CACNA1I: variants seen among roughly 807,000 people sequenced by gnomAD.
The protein encoded by CACNA1I is voltage-dependent T-type calcium channel subunit alpha-1I.
CACNA1I carries 74 observed loss-of-function variants against 201.6 expected under a neutral mutation model. The ratio of observed to expected loss-of-function variants is 0.37; its 90% CI spans 0.30 to 0.45. The LOEUF is 0.45. CACNA1I is among the 20% of genes least tolerant of loss of function. The pLI is 1.00. For synonymous variants in CACNA1I, 1,431 were observed against 1,345.2 expected (o/e 1.06, Z -1.40); for missense variants, 2,346 against 3,138.1 (o/e 0.75, Z 6.03).
At chr22:39,663,543 C>G (rs535843665) in intron 18 of CACNA1I, among the ~76,000 whole-genome samples, 175 bp from the exon 19 acceptor site, 1 of 152,310 alleles carries the variant, frequency 6.6e-6, no homozygotes, top group South Asian at 2.1e-4. Flanking sequence ...TCAGAGGAGG[C>G]AGCGCCAGGT....
chr22:39,643,006 A>G, intron 7 of CACNA1I, 117 bp downstream of exon 7: 1 of 652,984 alleles, frequency 1.5e-6, no homozygotes, highest in Non-Finnish European at 2.7e-6. Context: ...GACAGCCGGG[A>G]TGAGGGAGCA....
chr22:39,582,873 T>TATCC (rs200436685), intron 1 of CACNA1I, among the ~76,000 whole-genome samples: 1,811 of 147,366 alleles, frequency 0.012, 34 homozygotes, highest in African/African-American at 0.043. Context: ...ACCATCCATC[T>TATCC]ATCCATCCAT....
Position 39,685,894 on chromosome 22 carries a change from G to A in CACNA1I, c.6161G>A (p.Gly2054Glu), listed in dbSNP as rs892808378. The stretch of plus-strand genomic sequence containing the variant: ...CTGGGGCCGCCCGCGCCTGCTCCAG[G>A]ACCCCGGGCCGGCCTGTCCCCCGCC... ...RALGPPAPAPGPRAGLSPAAR... is the reference protein window; with the variant it reads ...RALGPPAPAPEPRAGLSPAAR... The change falls in exon 37 of 37, where the codon GGA becomes GAA. Residue 2054 changes from glycine (G) to glutamate (E), a missense_variant. Physicochemically the swap from Gly to Glu is moderately conservative, Grantham distance 98 (BLOSUM62 -2). Transcript: ENST00000402142. This position sits in a 1 kb window ranked among gnomAD's most constrained non-coding sequence, Gnocchi z 5.0. The A allele has an allele frequency of 2.1e-6, 3 of 1,431,664 alleles. No individual in the cohort carries two copies. In the African/African-American group the frequency reaches 4.5e-5, roughly 21 times the overall value. 88.7% of individuals were successfully genotyped at this position (1,431,664 alleles called of 1,614,324 possible).
At chr22:39,616,367 G>T (rs1292584156) in intron 3 of CACNA1I, among the ~76,000 whole-genome samples, 3 of 152,134 alleles carry the variant, frequency 2.0e-5, no homozygotes, top group Non-Finnish European at 2.9e-5. Context: ...GGTCATCGTG[G>T]GCCCCCCCTT....
chr22:39,656,271 GGTCC>G (rs1934816044), intron 10 of CACNA1I: 1 of 426,806 alleles, frequency 2.3e-6, no homozygotes, highest in African/African-American at 2.0e-5. Context: ...GTCGGAGTCA[GGTCC>G]TTGCGGCTCC....
rs764745881 is a variant in CACNA1I, at chr22:39,682,482, C to T, written c.5665-14C>T. 1 of 1,612,190 alleles carries T rather than the reference C, an allele frequency of 6.2e-7. No individual in the cohort carries two copies. On this transcript the variant is annotated splice_polypyrimidine_tract_variant and intron_variant, in intron 34 of 36. Coordinates refer to ENST00000402142, the MANE Select transcript of CACNA1I (RefSeq NM_021096.4). Reference sequence around the variant, plus strand: ...TTCCCAGTCCTGCCCCATCCTACCTCCCTTTCCTTGCAGGGTGAGCTGGAC... The same window carrying T: ...TTCCCAGTCCTGCCCCATCCTACCTTCCTTTCCTTGCAGGGTGAGCTGGAC...
chr22:39,619,250 C>A, intron 3 of CACNA1I, 60 bp from the exon 4 acceptor site: 1 of 1,325,616 alleles, frequency 7.5e-7, no homozygotes, highest in Non-Finnish European at 1.1e-6. Context: ...TGCTGTGGCC[C>A]GGGCCCTGGC....
Position 39,689,363 on chromosome 22 carries a change from C to T in CACNA1I, c.*2958C>T, listed in dbSNP as rs1442354731. 1.3e-5 allele frequency: 2 copies of T among 152,812 alleles called. No individual in the cohort carries two copies. The highest frequency in any genetic ancestry group is 4.8e-5 in the African/African-American group (2 of 41,476). The allele number at this position is 152,812 out of a possible 1,614,324, so 9.5% of individuals were successfully genotyped here. The stretch of plus-strand genomic sequence containing the variant: ...CCCCAAATCCTCAGCTCAGAGCCTT[C>T]CGCTTCCAGGGCCAACCCCAGCCCC... On this transcript the variant is annotated 3_prime_UTR_variant, in exon 37 of 37. Coordinates refer to ENST00000402142, the MANE Select transcript of CACNA1I (RefSeq NM_021096.4).
intron 10 of CACNA1I, chr22:39,656,274 C>T: frequency 4.7e-6 from 2 of 428,366 alleles, no homozygotes; most frequent in Non-Finnish European, 9.3e-6. Flanking sequence ...GGAGTCAGGT[C>T]CTTGCGGCTC....
intron 3 of CACNA1I, among the ~76,000 whole-genome samples, chr22:39,615,075 C>T (rs542948296): frequency 1.1e-4 from 16 of 152,342 alleles, no homozygotes; most frequent in Admixed American, 2.6e-4. Flanking sequence ...GCCCACAAGG[C>T]GGCCCTTCCT....
At chr22:39,635,153 G>A (rs1934173991) in intron 5 of CACNA1I, among the ~76,000 whole-genome samples, 1 of 152,184 alleles carries the variant, frequency 6.6e-6, no homozygotes, top group Non-Finnish European at 1.5e-5. Flanking sequence ...TAGTGGTGGG[G>A]GATAAGTGTG....
At chr22:39,580,243 C>T (rs1932504658) in intron 1 of CACNA1I, among the ~76,000 whole-genome samples, 1 of 152,210 alleles carries the variant, frequency 6.6e-6, no homozygotes, top group South Asian at 2.1e-4. Context: ...GAAGCAGCAA[C>T]ACATGTCTGG....
chr22:39,577,672 G>A lies in CACNA1I; in HGVS notation c.236+6684G>A, dbSNP rs116891391. Among the ~76,000 whole-genome samples, 236 of 152,376 alleles carry A rather than the reference G, an allele frequency of 1.5e-3. 6 individuals carry two copies. The East Asian group carries it at 0.032, about 21-fold the overall frequency. ...CTCTGGCTGTGCAGCCAGGAGACCC[G>A]TCGAGAGGCGCCTGTGGGACGATGG... On this transcript the variant is annotated intron_variant, in intron 1 of 36. Coordinates refer to ENST00000402142, the MANE Select transcript of CACNA1I (RefSeq NM_021096.4).
chr22:39,596,029 A>G (rs1303913906), intron 1 of CACNA1I, among the ~76,000 whole-genome samples: 1 of 148,354 alleles, frequency 6.7e-6, no homozygotes, highest in Admixed American at 6.8e-5. Flanking sequence ...TGAAGTGGGA[A>G]CAGCACATGC....
chr22:39,672,897 C>A, intron 27 of CACNA1I, 52 bp from the exon 28 acceptor site: 1 of 1,568,888 alleles, frequency 6.4e-7, no homozygotes, highest in South Asian at 1.2e-5. Flanking sequence ...GTGTCTGAAC[C>A]AGAGGGATCC....
At chr22:39,622,701 T>A (rs1358247419) in intron 4 of CACNA1I, among the ~76,000 whole-genome samples, 1 of 133,406 alleles carries the variant, frequency 7.5e-6, no homozygotes, top group Non-Finnish European at 1.6e-5. Context: ...GGGGGTGGGA[T>A]GCAGAGCAGC....
chr22:39,590,955 C>T (rs1425899063), intron 1 of CACNA1I, among the ~76,000 whole-genome samples: 1 of 152,108 alleles, frequency 6.6e-6, no homozygotes, highest in Non-Finnish European at 1.5e-5. Context: ...AAGTGATCCT[C>T]CCATCTCAAC....
Position 39,629,292 on chromosome 22 carries a change from G to A in CACNA1I, c.581-5273G>A, listed in dbSNP as rs774917731. ...AAGCGACTCCATGGGGATGTACCCC[G>A]GCCATCCCAAGCTCCACATCTCCAG... On this transcript the variant is annotated intron_variant, in intron 4 of 36. Transcript: ENST00000402142. This position sits in a 1 kb window ranked among gnomAD's most constrained non-coding sequence, Gnocchi z 4.8. Among the ~76,000 whole-genome samples the A allele has an allele frequency of 7.9e-5, 12 of 152,034 alleles. No individual in the cohort carries two copies. The highest frequency in any genetic ancestry group is 3.9e-4 in the Admixed American group (6 of 15,248).
In CACNA1I at chr22:39,686,353, C is replaced by G; in HGVS notation, c.6620C>G (p.Pro2207Arg). 7.6e-7 allele frequency: 1 copy of G among 1,316,464 alleles called. No homozygotes were observed. 81.5% of individuals were successfully genotyped at this position (1,316,464 alleles called of 1,614,324 possible). The change falls in exon 37 of 37, where the codon CCG (proline) becomes CGG (arginine). Residue 2207 changes from proline (P) to arginine (R), a missense_variant. Transcript: ENST00000402142. ...GLGPLAPPPQ[P>R]LPGELEPGDA... ...GGCCCCTTGGCGCCCCCGCCGCAACCGCTCCCCGGAGAGCTGGAGCCGGGA... is the reference window on the plus strand; with the variant it reads ...GGCCCCTTGGCGCCCCCGCCGCAACGGCTCCCCGGAGAGCTGGAGCCGGGA...
Sources: allele counts gnomAD v4.1 joint callset (sites outside exome capture counted in the v4.1 genomes callset), GRCh38; gene constraint gnomAD v4.1.1; non-coding constraint Gnocchi (gnomAD v3.1); transcripts MANE v1.5; gene names NCBI Gene and HGNC (gene_info 2026-07-23, HGNC 2026-07-21).